The following CBLB variants were observed in gnomAD, a reference collection of about 807,000 sequenced individuals.
The protein encoded by CBLB is Cbl proto-oncogene B.
In CBLB, 31 loss-of-function variants were observed where a neutral mutation model predicts 104.9. The ratio of observed to expected loss-of-function variants is 0.30; its 90% confidence interval spans 0.22 to 0.40. The LOEUF (loss-of-function observed/expected upper bound fraction) is 0.40, where lower values mean the gene tolerates loss of function less well. Among genes scored for constraint, CBLB ranks in the 10% least tolerant of loss-of-function variants. The pLI is 1.00. For synonymous variants in CBLB, 440 were observed against 422.6 expected (o/e 1.04, Z -0.51); for missense variants, 1,062 against 1,214.6 (o/e 0.87, Z 1.87).
chr3:105,714,580 C>A (rs1251864040), intron 10 of CBLB, among the ~76,000 whole-genome samples: 1 of 152,096 alleles, frequency 6.6e-6, no homozygotes, highest in Non-Finnish European at 1.5e-5. Flanking sequence ...GAATCTGATG[C>A]CACTGCTGAT....
intron 4 of CBLB, among the ~76,000 whole-genome samples, chr3:105,775,009 T>C (rs2079287884): frequency 6.6e-6 from 1 of 152,192 alleles, no homozygotes; most frequent in Admixed American, 6.5e-5. Context: ...CTGGCAAGAT[T>C]GTTCTGCTTT....
chr3:105,696,783 C>A (rs1403882364), intron 12 of CBLB, among the ~76,000 whole-genome samples: 2 of 151,876 alleles, frequency 1.3e-5, no homozygotes, highest in African/African-American at 4.8e-5. Flanking sequence ...GAATTCAAGA[C>A]ACTTCATAAT....
At chr3:105,732,821 G>C (rs973017398) in intron 9 of CBLB, among the ~76,000 whole-genome samples, 1 of 152,120 alleles carries the variant, frequency 6.6e-6, no homozygotes, top group Non-Finnish European at 1.5e-5. Flanking sequence ...GAAAATCAAG[G>C]ACTGAGAGGG....
intron 3 of CBLB, among the ~76,000 whole-genome samples, chr3:105,834,341 T>C (rs1215846869): frequency 6.6e-6 from 1 of 152,202 alleles, no homozygotes; most frequent in Non-Finnish European, 1.5e-5. Flanking sequence ...AGTACAACCA[T>C]AAATGTATTT....
chr3:105,659,295 A>G, intron 18 of CBLB, 66 bp from the exon 19 acceptor site: 1 of 1,390,214 alleles, frequency 7.2e-7, no homozygotes, highest in Middle Eastern at 1.8e-4. Context: ...AAGATAACAT[A>G]ACAGCATTAT....
At chr3:105,734,890 C>T (rs1023364322) in intron 8 of CBLB, among the ~76,000 whole-genome samples, 1 of 152,156 alleles carries the variant, frequency 6.6e-6, no homozygotes, top group Non-Finnish European at 1.5e-5. Flanking sequence ...TAGCTTAAAA[C>T]ATTTGACACA....
chr3:105,768,909 T>C (rs145487963), intron 4 of CBLB, among the ~76,000 whole-genome samples: 5 of 152,216 alleles, frequency 3.3e-5, no homozygotes, highest in African/African-American at 9.6e-5. Context: ...GGAATAGAAA[T>C]GTAGGAACTG....
At position 105,829,479 on chromosome 3, in the gene CBLB, C is replaced by T. The variant is rs1019185350; in HGVS notation, c.419+23935G>A. Among the ~76,000 whole-genome samples the T allele has an allele frequency of 5.3e-5, 8 of 151,612 alleles. No homozygotes were observed. The South Asian group carries it at 6.2e-4, about 12-fold the overall frequency. On this transcript the variant is annotated intron_variant, in intron 3 of 18. Transcript: ENST00000394030. ...TTCAAGACCAGCCTAGGCAACATGG[C>T]GAGACCCTGTCTCTACAAAAAATTT...
intron 9 of CBLB, among the ~76,000 whole-genome samples, chr3:105,722,178 G>A (rs778655810): frequency 1.0e-4 from 12 of 117,438 alleles, no homozygotes; most frequent in African/African-American, 1.3e-4. Flanking sequence ...CAGCCTAGGT[G>A]TAAGGGTAAG....
intron 10 of CBLB, among the ~76,000 whole-genome samples, chr3:105,717,363 T>A (rs1559937507): frequency 6.6e-6 from 1 of 152,126 alleles, no homozygotes; most frequent in Non-Finnish European, 1.5e-5. Flanking sequence ...CCATTATCCA[T>A]CCATTCAATA....
rs1576639558 is a variant in CBLB at position 105,726,100 on chromosome 3, C to T, written c.1204-5850G>A. Among the ~76,000 whole-genome samples, 4 of 152,300 alleles carry T rather than the reference C, an allele frequency of 2.6e-5. 1 individual carries two copies. Among genetic ancestry groups the T allele is most frequent in the Admixed American group, 1.3e-4 (2 of 15,286 alleles). On this transcript the variant is annotated intron_variant, in intron 9 of 18. Coordinates refer to ENST00000394030, the MANE Select transcript of CBLB (RefSeq NM_170662.5). ...CTGACCTCATGTGATCCACCCACCTCGGCTTCTCAAAGTGCTGGGATTACA... is the reference window on the plus strand; with the variant it reads ...CTGACCTCATGTGATCCACCCACCTTGGCTTCTCAAAGTGCTGGGATTACA...
At chr3:105,802,008 A>G (rs1439103170) in intron 3 of CBLB, among the ~76,000 whole-genome samples, 1 of 152,248 alleles carries the variant, frequency 6.6e-6, no homozygotes, top group African/African-American at 2.4e-5. Flanking sequence ...CATTTAAACC[A>G]GAAATGATAA....
intron 13 of CBLB, among the ~76,000 whole-genome samples, chr3:105,686,341 T>A (rs1294293558): frequency 6.6e-6 from 1 of 152,132 alleles, no homozygotes; most frequent in Non-Finnish European, 1.5e-5. Flanking sequence ...CCTGATTCAC[T>A]TTAGGACGAC....
At chr3:105,697,248 C>T (rs1016000183) in intron 12 of CBLB, among the ~76,000 whole-genome samples, 5 of 151,778 alleles carry the variant, frequency 3.3e-5, no homozygotes, top group African/African-American at 1.2e-4. Context: ...TATAAACTGG[C>T]TTGTATAATT....
At chr3:105,660,300 G>A (rs555206945) in intron 18 of CBLB, among the ~76,000 whole-genome samples, 5 of 151,752 alleles carry the variant, frequency 3.3e-5, no homozygotes, top group African/African-American at 1.2e-4. Context: ...TTCTACTACC[G>A]CCTCAGCTTC....
At chr3:105,754,022 G>A (rs1049432107) in intron 4 of CBLB, among the ~76,000 whole-genome samples, 1 of 152,052 alleles carries the variant, frequency 6.6e-6, no homozygotes, top group Non-Finnish European at 1.5e-5. Flanking sequence ...GTAGTAATAG[G>A]GATTAGGGAG....
intron 3 of CBLB, among the ~76,000 whole-genome samples, chr3:105,842,837 GTAT>G (rs542358321): frequency 1.9e-3 from 284 of 152,274 alleles, no homozygotes; most frequent in African/African-American, 6.4e-3. Flanking sequence ...TGTTAGATGG[GTAT>G]TGTTACTTTT....
rs1165740427 is a variant in CBLB at position 105,738,330 on chromosome 3, C to A, written c.984-1072G>T. Among the ~76,000 whole-genome samples, 6 of 151,994 alleles carry A rather than the reference C, an allele frequency of 3.9e-5. No individual in the cohort carries two copies. In the East Asian group the frequency reaches 1.2e-3, roughly 29 times the overall value. On this transcript the variant is annotated intron_variant, in intron 7 of 18. Coordinates refer to ENST00000394030, the MANE Select transcript of CBLB (RefSeq NM_170662.5). ...AAATGAACTTAAAGGACAGATAATT[C>A]TTACATAGTAAGGGACAAATCAGTG...
intron 10 of CBLB, among the ~76,000 whole-genome samples, chr3:105,715,778 C>A (rs935865343): frequency 1.3e-5 from 2 of 152,148 alleles, no homozygotes; most frequent in African/African-American, 4.8e-5. Flanking sequence ...GTGGCTCATG[C>A]CTGTAATCCC....
Sources: gnomAD v4.1 joint callset for allele counts (sites outside exome capture counted in the v4.1 genomes callset) on GRCh38, gnomAD v4.1.1 for gene constraint, MANE v1.5 for transcripts, NCBI Gene and HGNC (gene_info 2026-07-23, HGNC 2026-07-21) for gene names.